The following CASD1 variants were observed in gnomAD, a reference collection of about 807,000 sequenced individuals.
CASD1 encodes N-acetylneuraminate (7)9-O-acetyltransferase.
CASD1 carries 41 observed loss-of-function variants against 100.0 expected under a neutral mutation model. That is an observed-to-expected ratio of 0.41 (90% CI 0.32 to 0.53). The LOEUF is 0.53. Among genes scored for constraint, CASD1 ranks in the 20% least tolerant of loss-of-function variants. CASD1 has a pLI of 0.25. For synonymous variants in CASD1, 321 were observed against 315.6 expected (o/e 1.02, Z -0.18); for missense variants, 774 against 948.7 (o/e 0.82, Z 2.42).
intron 10 of CASD1, among the ~76,000 whole-genome samples, chr7:94,539,847 C>G (rs1795305768): frequency 6.6e-6 from 1 of 151,854 alleles, no homozygotes; most frequent in Admixed American, 6.6e-5. Flanking sequence ...AAAAAACTTC[C>G]AACTCTCTTG....
chr7:94,612,592 T>C, the CASD1 span, among the ~76,000 whole-genome samples: 2 of 152,194 alleles, frequency 1.3e-5, no homozygotes, highest in South Asian at 2.1e-4. Context: ...TTTGAAGTTA[T>C]AAATAATATT....
chr7:94,597,962 G>A, the CASD1 span: 19 of 163,528 alleles, frequency 1.2e-4, no homozygotes, highest in African/African-American at 4.3e-4. Flanking sequence ...AGCCAAGATC[G>A]CTCCATTGCA....
chr7:94,602,231 T>C, the CASD1 span, among the ~76,000 whole-genome samples: 19 of 152,132 alleles, frequency 1.2e-4, no homozygotes, highest in East Asian at 2.9e-3. Context: ...ATTGAACAAA[T>C]TTTCCTATAA....
chr7:94,540,921 C>T (rs939092028), intron 10 of CASD1, among the ~76,000 whole-genome samples: 16 of 152,120 alleles, frequency 1.1e-4, no homozygotes, highest in Admixed American at 9.8e-4. Flanking sequence ...GATTAAGTTC[C>T]TCAATTCAGT....
the CASD1 span, among the ~76,000 whole-genome samples, chr7:94,630,620 G>C: frequency 6.6e-6 from 1 of 151,876 alleles, no homozygotes; most frequent in Non-Finnish European, 1.5e-5. Flanking sequence ...ATGACCAATT[G>C]TTTTGATTAG....
the CASD1 span, chr7:94,628,698 T>G: frequency 3.9e-6 from 1 of 259,236 alleles, no homozygotes; most frequent in South Asian, 5.1e-5. Context: ...TACTCATTCT[T>G]TTGCGAAATA....
intron 1 of CASD1, among the ~76,000 whole-genome samples, chr7:94,513,019 G>T (rs1279995096): frequency 6.6e-6 from 1 of 152,124 alleles, no homozygotes; most frequent in Non-Finnish European, 1.5e-5. Flanking sequence ...ATTTTCCAGG[G>T]AAGCATGGGT....
At chr7:94,552,456 C>T in intron 16 of CASD1, 29 bp downstream of exon 16, 1 of 1,497,622 alleles carries the variant, frequency 6.7e-7, no homozygotes, top group South Asian at 1.2e-5. Flanking sequence ...GAAATTTCTA[C>T]ATCTTAATTC....
intron 1 of CASD1, among the ~76,000 whole-genome samples, chr7:94,512,434 G>A (rs368219773): frequency 5.3e-5 from 8 of 152,216 alleles, no homozygotes; most frequent in African/African-American, 1.9e-4. Flanking sequence ...GATTTTGAAT[G>A]TGTGAGTATG....
the CASD1 span, among the ~76,000 whole-genome samples, chr7:94,582,515 T>C: frequency 6.6e-6 from 1 of 152,204 alleles, no homozygotes; most frequent in African/African-American, 2.4e-5. Context: ...GTTTTTTCCC[T>C]AGTAAATTTA....
chr7:94,555,278 C>A (rs1796148078), intron 17 of CASD1, among the ~76,000 whole-genome samples: 1 of 151,846 alleles, frequency 6.6e-6, no homozygotes, highest in Non-Finnish European at 1.5e-5. Context: ...CTATTATTTT[C>A]TTTGGTCTCA....
Position 94,509,856 on chromosome 7 carries a change from G to A in CASD1, c.-229G>A. On this transcript the variant is annotated 5_prime_UTR_variant, in exon 1 of 18. Coordinates refer to ENST00000297273, the MANE Select transcript of CASD1 (RefSeq NM_022900.5). The stretch of plus-strand genomic sequence containing the variant: ...GGGGAACCGGCACGGCGGAGCAGCG[G>A]CGGCGGGGCTGGGGGGAGGCCGCCG... 1 of 1,012,394 alleles carries A rather than the reference G, an allele frequency of 9.9e-7. No homozygotes were observed. The highest frequency in any genetic ancestry group is 1.2e-6 in the Non-Finnish European group (1 of 848,258). The allele number at this position is 1,012,394 out of a possible 1,614,324, so 62.7% of individuals were successfully genotyped here. A position where few individuals can be genotyped will look rare whatever the true frequency, so the allele number is the denominator to read the frequency against.
the CASD1 span, among the ~76,000 whole-genome samples, chr7:94,563,682 C>A: frequency 6.6e-6 from 1 of 151,698 alleles, no homozygotes; most frequent in Admixed American, 6.6e-5. Context: ...CCCTCCCCCA[C>A]GCCCCCGCTG....
chr7:94,547,653 A>AT (rs150377945), intron 13 of CASD1, among the ~76,000 whole-genome samples: 2,373 of 148,738 alleles, frequency 0.016, 47 homozygotes, highest in African/African-American at 0.041. Context: ...ACTTTTGGTC[A>AT]TTTTTTTTTT....
intron 3 of CASD1, among the ~76,000 whole-genome samples, chr7:94,521,715 A>G (rs1162026973): frequency 6.6e-6 from 1 of 152,214 alleles, no homozygotes; most frequent in African/African-American, 2.4e-5. Context: ...TTATATGTCT[A>G]TGTAAAAAGC....
At chr7:94,587,250 T>G in the CASD1 span, 1 of 985,812 alleles carries the variant, frequency 1.0e-6, no homozygotes, top group African/African-American at 1.7e-5. Context: ...TGCTAAAAAA[T>G]CTATGTGACT....
intron 3 of CASD1, among the ~76,000 whole-genome samples, chr7:94,522,666 T>TA: frequency 2.9e-5 from 1 of 33,964 alleles, no homozygotes; most frequent in South Asian, 1.5e-3. Flanking sequence ...TTATTTATTT[T>TA]TTTTTTTTGA....
chr7:94,540,936 C>A (rs916050719), intron 10 of CASD1, among the ~76,000 whole-genome samples: 1 of 151,910 alleles, frequency 6.6e-6, no homozygotes, highest in Non-Finnish European at 1.5e-5. Context: ...TTCAGTGACT[C>A]CAGAAAGGAT....
Position 94,552,478 on chromosome 7 carries a change from A to G in CASD1, c.2034+51A>G, listed in dbSNP as rs760529105. 3 of 1,449,058 alleles carry G rather than the reference A, an allele frequency of 2.1e-6. No individual in the cohort carries two copies. In the African/African-American group the frequency reaches 4.3e-5, roughly 21 times the overall value. The allele number at this position is 1,449,058 out of a possible 1,614,324, so 89.8% of individuals were successfully genotyped here. On this transcript the variant is annotated intron_variant, in intron 16 of 17. Transcript: ENST00000297273. The stretch of plus-strand genomic sequence containing the variant: ...CTACATCTTAATTCTTGATAAGAAA[A>G]TGGTTTTTAGAGGCAGAGAGATTTG...
Sources: allele counts gnomAD v4.1 joint callset (sites outside exome capture counted in the v4.1 genomes callset), GRCh38; gene constraint gnomAD v4.1.1; transcripts MANE v1.5; gene names NCBI Gene and HGNC (gene_info 2026-07-23, HGNC 2026-07-21).